AAK1: variants seen among roughly 807,000 people sequenced by gnomAD.
AAK1 encodes the protein AP2 associated kinase 1, also known as AP2-associated protein kinase 1.
A neutral mutation model predicts 116.0 loss-of-function variants in AAK1; 37 were observed. The ratio of observed to expected loss-of-function variants is 0.32; its 90% confidence interval spans 0.25 to 0.42. The LOEUF is 0.42. Ranked by LOEUF, AAK1 falls within the 10% of genes least tolerant of loss-of-function variation. The pLI, the probability that AAK1 is intolerant of heterozygous loss-of-function variation, is 1.00. For synonymous variants in AAK1, 458 were observed against 439.9 expected, an observed-to-expected ratio of 1.04 and a Z score of -0.51; for missense variants, 919 against 1,170.6, an observed-to-expected ratio of 0.79 and a Z score of 3.14.
At chr2:69,502,661 C>T (rs951372095) in intron 16 of AAK1, among the ~76,000 whole-genome samples, 3 of 152,026 alleles carry the variant, frequency 2.0e-5, no homozygotes, top group Non-Finnish European at 4.4e-5. Context: ...TCTCTGTCTA[C>T]AGTCTTTGGC....
At chr2:69,578,618 C>G (rs138652413) in intron 2 of AAK1, among the ~76,000 whole-genome samples, 27 of 152,252 alleles carry the variant, frequency 1.8e-4, no homozygotes, top group Admixed American at 5.2e-4. Context: ...AATCCCTCAA[C>G]GTTTACATTC....
chr2:69,475,781 T>A lies in AAK1; in HGVS notation c.*88A>T, dbSNP rs60198736. 297 of 1,502,520 alleles carry A rather than the reference T, an allele frequency of 2.0e-4. 1 individual carries two copies. The East Asian group carries it at 2.8e-3, about 14-fold the overall frequency. The allele number at this position is 1,502,520 out of a possible 1,614,324, so 93.1% of individuals were successfully genotyped here. A position where few individuals can be genotyped will look rare whatever the true frequency, so the allele number is the denominator to read the frequency against. ...AGGGCCCCTTATTTGCAGATTTTTT[T>A]AAAAAAATCATTTTTTTCATAACTC... On this transcript the variant is annotated 3_prime_UTR_variant, in exon 22 of 22. Coordinates refer to ENST00000409085, the MANE Select transcript of AAK1 (RefSeq NM_014911.5).
Position 69,548,242 on chromosome 2 carries a change from AT to A in AAK1, c.283-3699del, listed in dbSNP as rs1328967730. Among the ~76,000 whole-genome samples the A allele has an allele frequency of 7.9e-5, 12 of 152,178 alleles. 1 individual carries two copies. The highest frequency in any genetic ancestry group is 2.9e-4 in the African/African-American group (12 of 41,448). On this transcript the variant is annotated intron_variant, in intron 3 of 21. Transcript: ENST00000409085. Reference sequence around the variant, plus strand: ...CTTTAAAAGGGTAAATTTTATCTCAATTTGTATACACACAAAAGTAACATGA... The same window carrying A: ...CTTTAAAAGGGTAAATTTTATCTCAATTGTATACACACAAAAGTAACATGA...
chr2:69,626,510 T>TA (rs925202271), intron 2 of AAK1, among the ~76,000 whole-genome samples: 22 of 151,150 alleles, frequency 1.5e-4, no homozygotes, highest in African/African-American at 5.1e-4. Context: ...TTATTATTAT[T>TA]TTTTTTTGAG....
chr2:69,536,491 C>G (rs191366513), intron 5 of AAK1, among the ~76,000 whole-genome samples: 65 of 152,140 alleles, frequency 4.3e-4, no homozygotes, highest in Admixed American at 1.1e-3. Flanking sequence ...AGGTAGAAAC[C>G]CAACTAGACA....
intron 15 of AAK1, 52 bp from the exon 16 acceptor site, chr2:69,505,725 C>A: frequency 7.0e-7 from 1 of 1,437,568 alleles, no homozygotes; most frequent in South Asian, 1.2e-5. Flanking sequence ...TTGCGAGGCA[C>A]ACACACATGG....
At chr2:69,608,892 A>C (rs2105211860) in intron 2 of AAK1, among the ~76,000 whole-genome samples, 1 of 152,388 alleles carries the variant, frequency 6.6e-6, no homozygotes, top group South Asian at 2.1e-4. Context: ...ACAATAAAAT[A>C]ATCAAGAATA....
Position 69,608,833 on chromosome 2 carries a change from G to A in AAK1, c.163+34045C>T, listed in dbSNP as rs537880179. Among the ~76,000 whole-genome samples the A allele has an allele frequency of 9.2e-5, 14 of 152,166 alleles. No homozygotes were observed. The South Asian group carries it at 2.5e-3, about 27-fold the overall frequency. ...AGTTACATTTCTATACACTAACAGC[G>A]AATAATATGAAAGGGAAATAAATCC... On this transcript the variant is annotated intron_variant, in intron 2 of 21. Transcript: ENST00000409085.
Position 69,642,658 on chromosome 2 carries a change from C to T in AAK1, c.163+220G>A, listed in dbSNP as rs113507063. Among the ~76,000 whole-genome samples, 588 of 152,224 alleles carry T rather than the reference C, an allele frequency of 3.9e-3. 2 individuals are homozygous for T. Among genetic ancestry groups the T allele is most frequent in the African/African-American group, 0.014 (567 of 41,528 alleles). On this transcript the variant is annotated intron_variant, in intron 2 of 21. Coordinates refer to ENST00000409085, the MANE Select transcript of AAK1 (RefSeq NM_014911.5). ...TTAAAAAAATAAAAATAAAAGGCCA[C>T]TAACGTAAACAATTTCGGCAACCTC...
At chr2:69,624,282 G>A (rs1181716685) in intron 2 of AAK1, among the ~76,000 whole-genome samples, 4 of 152,126 alleles carry the variant, frequency 2.6e-5, no homozygotes, top group Non-Finnish European at 5.9e-5. Context: ...AAAAAAATTC[G>A]TTGCAGCTGT....
intron 12 of AAK1, among the ~76,000 whole-genome samples, chr2:69,517,383 G>A (rs184230442): frequency 3.0e-4 from 45 of 152,246 alleles, no homozygotes; most frequent in Non-Finnish European, 4.1e-4. Flanking sequence ...CAAATGATCA[G>A]TGATACCTGC....
chr2:69,533,623 T>C (rs1205423959), intron 5 of AAK1, among the ~76,000 whole-genome samples: 2 of 152,226 alleles, frequency 1.3e-5, no homozygotes, highest in Non-Finnish European at 2.9e-5. Flanking sequence ...CTTTTTGTTT[T>C]TGTTAACTTA....
At chr2:69,508,779 A>G (rs903000974) in intron 14 of AAK1, among the ~76,000 whole-genome samples, 2 of 152,200 alleles carry the variant, frequency 1.3e-5, no homozygotes, top group Non-Finnish European at 2.9e-5. Flanking sequence ...GCACAGGAGG[A>G]ACAAAGGGCT....
At chr2:69,514,827 G>A in intron 12 of AAK1, 78 bp from the exon 13 acceptor site, 2 of 1,445,012 alleles carry the variant, frequency 1.4e-6, no homozygotes, top group South Asian at 2.9e-5. Flanking sequence ...CAAAAACAAT[G>A]AAGACCAGTG....
At chr2:69,631,312 T>C (rs1675164009) in intron 2 of AAK1, among the ~76,000 whole-genome samples, 3 of 152,268 alleles carry the variant, frequency 2.0e-5, no homozygotes, top group Admixed American at 2.0e-4. Flanking sequence ...AAACAAATTA[T>C]GTGGCATTAT....
rs1216844555 is a variant in AAK1 at position 69,531,356 on chromosome 2, C to T, written c.657-650G>A. Among the ~76,000 whole-genome samples, 3 of 152,186 alleles carry T rather than the reference C, an allele frequency of 2.0e-5. 1 individual carries two copies. The highest frequency in any genetic ancestry group is 7.2e-5 in the African/African-American group (3 of 41,436). On this transcript the variant is annotated intron_variant, in intron 6 of 21. Transcript: ENST00000409085. ...AGGGCCTTGGGTCGATCAGGTTCTT[C>T]TTGCCCCGGGCATGGTTGTCTGGGG...
intron 3 of AAK1, among the ~76,000 whole-genome samples, chr2:69,545,221 G>T (rs1176994106): frequency 1.3e-5 from 2 of 152,236 alleles, no homozygotes; most frequent in East Asian, 3.9e-4. Flanking sequence ...ACCAACATTT[G>T]TTGAGCACCT....
At chr2:69,518,426 T>G (rs532314291) in intron 12 of AAK1, among the ~76,000 whole-genome samples, 7 of 150,846 alleles carry the variant, frequency 4.6e-5, no homozygotes, top group East Asian at 3.9e-4. Context: ...TTTTTTTTTT[T>G]TTTTTTTTTT....
chr2:69,480,820 C>G lies in AAK1; in HGVS notation c.2569+40G>C, dbSNP rs376397801. 5 of 1,532,644 alleles carry G rather than the reference C, an allele frequency of 3.3e-6. No individual in the cohort carries two copies. The South Asian group carries it at 4.8e-5, about 15-fold the overall frequency. 94.9% of individuals were successfully genotyped at this position (1,532,644 alleles called of 1,614,324 possible). A position where few individuals can be genotyped will look rare whatever the true frequency, so the allele number is the denominator to read the frequency against. ...AAAAGACTGGCTCAGAGGTTCACCA[C>G]ACCGACCAGTCCCTGCAGCTGCAGA... On this transcript the variant is annotated intron_variant, in intron 19 of 21. Coordinates refer to ENST00000409085, the MANE Select transcript of AAK1 (RefSeq NM_014911.5).
Sources: gnomAD v4.1 joint callset for allele counts (sites outside exome capture counted in the v4.1 genomes callset) on GRCh38, gnomAD v4.1.1 for gene constraint, MANE v1.5 for transcripts, NCBI Gene and HGNC (gene_info 2026-07-23, HGNC 2026-07-21) for gene names.